Variants in CCSER1 observed in about 807,000 individuals in gnomAD.
CCSER1 encodes serine-rich coiled-coil domain-containing protein 1.
A neutral mutation model predicts 82.0 loss-of-function variants in CCSER1; 41 were observed. The observed-to-expected ratio is 0.50, with a 90% CI of 0.39 to 0.65. The LOEUF (loss-of-function observed/expected upper bound fraction) is 0.65, where lower values mean the gene tolerates loss of function less well. Ranked by LOEUF, CCSER1 falls within the 30% of genes least tolerant of loss-of-function variation. The pLI is 0.00. For synonymous variants in CCSER1, 414 were observed against 383.9 expected (o/e 1.08, Z -0.92); for missense variants, 1,119 against 1,064.2 (o/e 1.05, Z -0.72).
At chr4:90,866,518 A>C (rs1457487930) in intron 8 of CCSER1, among the ~76,000 whole-genome samples, 5 of 152,056 alleles carry the variant, frequency 3.3e-5, no homozygotes, top group Non-Finnish European at 5.9e-5. Flanking sequence ...TACTTGTTTC[A>C]CATATCCTTT....
intron 5 of CCSER1, among the ~76,000 whole-genome samples, chr4:90,592,316 T>A (rs1461518783): frequency 2.6e-5 from 4 of 152,170 alleles, no homozygotes; most frequent in Non-Finnish European, 5.9e-5. Context: ...TGCTTGAAAG[T>A]TGGATTATAT....
At chr4:90,997,297 T>TC (rs1248292164) in intron 9 of CCSER1, among the ~76,000 whole-genome samples, 6 of 151,964 alleles carry the variant, frequency 3.9e-5, no homozygotes, top group African/African-American at 1.4e-4. Context: ...TTCACATCCT[T>TC]CCCTCTCTTG....
intron 10 of CCSER1, among the ~76,000 whole-genome samples, chr4:91,247,084 G>C (rs953457230): frequency 1.3e-5 from 2 of 151,804 alleles, no homozygotes; most frequent in African/African-American, 4.8e-5. Context: ...GGTGGATCAC[G>C]AGGTCAGGAG....
intron 5 of CCSER1, among the ~76,000 whole-genome samples, chr4:90,493,098 C>T (rs1426408145): frequency 3.9e-5 from 6 of 152,034 alleles, no homozygotes; most frequent in East Asian, 1.9e-4. Flanking sequence ...AAACATGGCA[C>T]GAGAACTACG....
At chr4:90,252,198 C>A (rs1691954672) in intron 1 of CCSER1, among the ~76,000 whole-genome samples, 1 of 151,790 alleles carries the variant, frequency 6.6e-6, no homozygotes. Flanking sequence ...AATTTGAAAT[C>A]CAAAAGTGCT....
chr4:90,690,697 C>G (rs1265235525), intron 6 of CCSER1, among the ~76,000 whole-genome samples: 1 of 151,964 alleles, frequency 6.6e-6, no homozygotes, highest in African/African-American at 2.4e-5. Context: ...ATAATCATTC[C>G]ATCCTCTTCC....
At chr4:91,544,311 C>T (rs977950255) in intron 10 of CCSER1, among the ~76,000 whole-genome samples, 3 of 152,180 alleles carry the variant, frequency 2.0e-5, no homozygotes, top group Non-Finnish European at 4.4e-5. Context: ...TCTCTCAACT[C>T]GTCAAAGTCA....
chr4:91,217,002 C>T (rs1178600614), intron 10 of CCSER1, among the ~76,000 whole-genome samples: 1 of 152,092 alleles, frequency 6.6e-6, no homozygotes, highest in Non-Finnish European at 1.5e-5. Flanking sequence ...CGCGGACCCT[C>T]GCGGTGAGTG....
intron 9 of CCSER1, among the ~76,000 whole-genome samples, chr4:91,057,302 A>G (rs1346766453): frequency 1.3e-5 from 2 of 152,282 alleles, no homozygotes; most frequent in African/African-American, 2.4e-5. Flanking sequence ...AAAAGGCTTC[A>G]GTACACTCCA....
intron 6 of CCSER1, among the ~76,000 whole-genome samples, chr4:90,722,636 C>A (rs551905329): frequency 2.6e-5 from 4 of 151,772 alleles, no homozygotes; most frequent in African/African-American, 9.6e-5. Context: ...CAATTTTTAC[C>A]TAATTTCCTT....
chr4:90,273,537 T>C (rs1228708022), intron 1 of CCSER1, among the ~76,000 whole-genome samples: 2 of 152,134 alleles, frequency 1.3e-5, no homozygotes, highest in African/African-American at 2.4e-5. Context: ...ATCAGAAACA[T>C]TTTCTTTTAG....
intron 1 of CCSER1, among the ~76,000 whole-genome samples, chr4:90,140,699 T>G (rs1724596553): frequency 1.5e-5 from 2 of 132,792 alleles, no homozygotes; most frequent in Admixed American, 8.2e-5. Flanking sequence ...GGAGTCTTGC[T>G]CTGTTGCCAG....
chr4:91,427,716 T>A (rs1224911675), intron 10 of CCSER1, among the ~76,000 whole-genome samples: 1 of 152,110 alleles, frequency 6.6e-6, no homozygotes, highest in Non-Finnish European at 1.5e-5. Flanking sequence ...ATTATTCTTA[T>A]AAAATAATAT....
rs185164319 is a variant in CCSER1, at chr4:90,390,466, T to A, written c.1510-9570T>A. On this transcript the variant is annotated intron_variant, in intron 3 of 10. Coordinates refer to ENST00000509176, the MANE Select transcript of CCSER1 (RefSeq NM_001145065.2). ...CTCCCACATGCCAAGTAGTCCCCAG[T>A]GTCTATTGTTGCCATCTTTTTGACC... Among the ~76,000 whole-genome samples, 174 of 152,274 alleles carry A rather than the reference T, an allele frequency of 1.1e-3. 1 individual carries two copies. The highest frequency in any genetic ancestry group is 3.8e-3 in the African/African-American group (159 of 41,564).
At chr4:90,448,760 G>C (rs547962832) in intron 4 of CCSER1, among the ~76,000 whole-genome samples, 15 of 152,084 alleles carry the variant, frequency 9.9e-5, no homozygotes, top group South Asian at 2.1e-4. Flanking sequence ...GGCCACAAGA[G>C]AGAAAGCGAG....
At chr4:91,130,952 A>C (rs1330855241) in intron 10 of CCSER1, among the ~76,000 whole-genome samples, 2 of 151,794 alleles carry the variant, frequency 1.3e-5, no homozygotes, top group Non-Finnish European at 2.9e-5. Context: ...TAGTAAAAAC[A>C]GCTATAGGAG....
intron 5 of CCSER1, among the ~76,000 whole-genome samples, chr4:90,525,069 A>T (rs1773585945): frequency 6.6e-6 from 1 of 152,096 alleles, no homozygotes; most frequent in Non-Finnish European, 1.5e-5. Flanking sequence ...TAAGATTTAG[A>T]TTCATTCTTT....
chr4:90,404,410 A>C (rs181060167), intron 4 of CCSER1, among the ~76,000 whole-genome samples: 1 of 152,058 alleles, frequency 6.6e-6, no homozygotes, highest in Non-Finnish European at 1.5e-5. Flanking sequence ...CAAAGGTTAT[A>C]ATCTCTTGGG....
chr4:90,954,732 A>C (rs1015365224), intron 9 of CCSER1, among the ~76,000 whole-genome samples: 1 of 152,144 alleles, frequency 6.6e-6, no homozygotes, highest in Non-Finnish European at 1.5e-5. Context: ...TCAACTAGGG[A>C]AACTATGATG....
Sources: allele counts gnomAD v4.1 joint callset (sites outside exome capture counted in the v4.1 genomes callset), GRCh38; gene constraint gnomAD v4.1.1; transcripts MANE v1.5; gene names NCBI Gene and HGNC (gene_info 2026-07-23, HGNC 2026-07-21).